Variants in CRPPA observed in about 807,000 individuals in gnomAD.
CRPPA encodes the protein CDP-L-ribitol pyrophosphorylase A, also known as D-ribitol-5-phosphate cytidylyltransferase.
A neutral mutation model predicts 52.0 loss-of-function variants in CRPPA; 43 were observed. The observed-to-expected ratio is 0.83, with a 90% CI of 0.65 to 1.07. CRPPA has a LOEUF of 1.07. Among genes scored for constraint, CRPPA ranks in the 50% least tolerant of loss-of-function variants. The pLI, the probability that CRPPA is intolerant of heterozygous loss-of-function variation, is 0.00. For synonymous variants in CRPPA, 250 were observed against 203.5 expected (o/e 1.23, Z -1.94); for missense variants, 629 against 551.7 (o/e 1.14, Z -1.40).
At chr7:16,312,252 AC>A (rs1045320128) in intron 3 of CRPPA, among the ~76,000 whole-genome samples, 25 of 152,086 alleles carry the variant, frequency 1.6e-4, no homozygotes, top group African/African-American at 6.0e-4. Flanking sequence ...TTATCCACAA[AC>A]ATGGGACACC....
intron 6 of CRPPA, chr7:16,270,183 T>C (rs1784059063): frequency 6.6e-6 from 1 of 152,216 alleles, no homozygotes; most frequent in South Asian, 2.1e-4. Flanking sequence ...GTTTTTATTT[T>C]GTAAGCTTAG....
intron 9 of CRPPA, among the ~76,000 whole-genome samples, chr7:16,164,091 C>T (rs550279464): frequency 6.6e-6 from 1 of 152,152 alleles, no homozygotes; most frequent in Non-Finnish European, 1.5e-5. Context: ...TGGATAATAT[C>T]CTGAAATGTG....
chr7:16,278,862 T>C (rs1784262860), intron 5 of CRPPA, among the ~76,000 whole-genome samples: 2 of 152,188 alleles, frequency 1.3e-5, no homozygotes, highest in Non-Finnish European at 2.9e-5. Context: ...GATGCATTCT[T>C]CCAAAAGATA....
At chr7:16,356,959 A>G (rs1786311420) in intron 3 of CRPPA, among the ~76,000 whole-genome samples, 1 of 152,156 alleles carries the variant, frequency 6.6e-6, no homozygotes, top group Admixed American at 6.5e-5. Flanking sequence ...TGGGATATCA[A>G]TGAAAAGCCA....
intron 5 of CRPPA, among the ~76,000 whole-genome samples, chr7:16,286,039 ATATAAATATATAT>A (rs1222435068): frequency 0.064 from 1,538 of 23,864 alleles, 191 homozygotes; most frequent in East Asian, 0.16. Flanking sequence ...AAAAAAAAAA[ATATAAATATATAT>A]ATATATATAT....
chr7:16,401,494 G>A (rs1787816957), intron 2 of CRPPA, among the ~76,000 whole-genome samples: 1 of 152,190 alleles, frequency 6.6e-6, no homozygotes, highest in Non-Finnish European at 1.5e-5. Context: ...AGGTGCTGGA[G>A]TACAAAGCTG....
At chr7:16,215,628 A>G (rs1007077678) in intron 9 of CRPPA, among the ~76,000 whole-genome samples, 10 of 152,234 alleles carry the variant, frequency 6.6e-5, no homozygotes, top group Admixed American at 5.2e-4. Context: ...TTAACATAAC[A>G]TAAAAGTAAA....
At chr7:16,344,239 C>G (rs751681647) in intron 3 of CRPPA, among the ~76,000 whole-genome samples, 1 of 151,800 alleles carries the variant, frequency 6.6e-6, no homozygotes, top group Non-Finnish European at 1.5e-5. Flanking sequence ...TCAAGAGAAA[C>G]TGTCCTGCAG....
intron 8 of CRPPA, among the ~76,000 whole-genome samples, chr7:16,250,237 T>C (rs879421128): frequency 1.3e-5 from 2 of 152,048 alleles, no homozygotes; most frequent in Non-Finnish European, 2.9e-5. Context: ...AAAGACCAAA[T>C]CTATGTTTGA....
intron 9 of CRPPA, among the ~76,000 whole-genome samples, chr7:16,204,987 C>T (rs1414120253): frequency 1.3e-5 from 2 of 152,144 alleles, no homozygotes; most frequent in Non-Finnish European, 2.9e-5. Context: ...CGATTCTTAA[C>T]ACATATGCTT....
chr7:16,329,328 C>G (rs964876044), intron 3 of CRPPA, among the ~76,000 whole-genome samples: 1 of 152,148 alleles, frequency 6.6e-6, no homozygotes, highest in African/African-American at 2.4e-5. Flanking sequence ...CTTGAAGAAA[C>G]AGCACATTCA....
At chr7:16,362,736 A>G (rs1786489413) in intron 3 of CRPPA, among the ~76,000 whole-genome samples, 1 of 152,212 alleles carries the variant, frequency 6.6e-6, no homozygotes, top group South Asian at 2.1e-4. Flanking sequence ...TATTAAGTTT[A>G]AGAAATTAGC....
At chr7:16,300,624 T>C (rs1784773630) in intron 5 of CRPPA, among the ~76,000 whole-genome samples, 1 of 152,164 alleles carries the variant, frequency 6.6e-6, no homozygotes, top group Non-Finnish European at 1.5e-5. Context: ...GGATGGGTAC[T>C]TCCAGCAGCT....
chr7:16,202,307 TTA>T (rs1167220305), intron 9 of CRPPA, among the ~76,000 whole-genome samples: 1 of 152,136 alleles, frequency 6.6e-6, no homozygotes, highest in Admixed American at 6.6e-5. Flanking sequence ...TGTTCATGTT[TTA>T]CACACTTTCA....
chr7:16,192,420 T>C (rs750524753), intron 9 of CRPPA, among the ~76,000 whole-genome samples: 12 of 152,144 alleles, frequency 7.9e-5, no homozygotes, highest in Non-Finnish European at 1.5e-4. Context: ...TTAAGGAATC[T>C]AGTTTCTACT....
chr7:16,300,263 C>A (rs926294649), intron 5 of CRPPA, among the ~76,000 whole-genome samples: 1 of 152,174 alleles, frequency 6.6e-6, no homozygotes, highest in Non-Finnish European at 1.5e-5. Context: ...AATGTGAAGT[C>A]TGTTGATGGT....
chr7:16,354,582 A>G (rs1262363937), intron 3 of CRPPA, among the ~76,000 whole-genome samples: 1 of 152,200 alleles, frequency 6.6e-6, no homozygotes, highest in Admixed American at 6.5e-5. Flanking sequence ...GAAACTTGAG[A>G]TTACTTTAGA....
intron 2 of CRPPA, among the ~76,000 whole-genome samples, chr7:16,391,307 C>A (rs1430890543): frequency 6.6e-6 from 1 of 152,144 alleles, no homozygotes; most frequent in African/African-American, 2.4e-5. Flanking sequence ...TTCAGCCCAT[C>A]AGTAATCCAG....
At chr7:16,201,577 C>T (rs569602226) in intron 9 of CRPPA, among the ~76,000 whole-genome samples, 20 of 152,292 alleles carry the variant, frequency 1.3e-4, no homozygotes, top group Non-Finnish European at 2.2e-4. Context: ...AAATTCTACT[C>T]TCCCTTACTT....
Sources: allele counts gnomAD v4.1 joint callset (sites outside exome capture counted in the v4.1 genomes callset), GRCh38; gene constraint gnomAD v4.1.1; transcripts MANE v1.5; gene names NCBI Gene and HGNC (gene_info 2026-07-23, HGNC 2026-07-21).